AFG2B: variants seen among roughly 807,000 people sequenced by gnomAD.
AFG2B encodes the protein ATPase family gene 2 protein homolog B.
At chr15:45,402,453 C>T in the AFG2B span, 2 of 1,605,460 alleles carry the variant, frequency 1.2e-6, no homozygotes, top group East Asian at 4.6e-5. Context: ...CGGATCCCTT[C>T]CCTGAAGGGC....
the AFG2B span, chr15:45,403,644 T>G: frequency 1.6e-6 from 2 of 1,214,122 alleles, no homozygotes; most frequent in Non-Finnish European, 2.3e-6. Context: ...TGGGGCTCTT[T>G]GCAATGCAGA....
the AFG2B span, among the ~76,000 whole-genome samples, chr15:45,405,793 T>C: frequency 1.1e-4 from 17 of 152,128 alleles, no homozygotes; most frequent in South Asian, 2.1e-4. Context: ...CCCAGAAGAA[T>C]CAAAGAGTTT....
chr15:45,421,090 G>A, the AFG2B span: 2 of 1,613,488 alleles, frequency 1.2e-6, no homozygotes, highest in Non-Finnish European at 1.7e-6. Flanking sequence ...CAACTACAGT[G>A]AAACAAGAGC....
At chr15:45,403,324 C>A in the AFG2B span, 3 of 1,601,448 alleles carry the variant, frequency 1.9e-6, no homozygotes, top group Non-Finnish European at 2.6e-6. Context: ...CGGACCCAGC[C>A]TCCTCTTCCT....
chr15:45,417,513 G>T, the AFG2B span: 130 of 1,065,820 alleles, frequency 1.2e-4, 2 homozygotes, highest in East Asian at 3.3e-3. Flanking sequence ...CTTGCCTGGT[G>T]GCCTTTCATG....
the AFG2B span, chr15:45,402,671 C>G: frequency 6.3e-7 from 1 of 1,577,934 alleles, no homozygotes; most frequent in African/African-American, 1.4e-5. Context: ...TGCGCGAGCC[C>G]CGGGGCGGCG....
At chr15:45,413,703 A>G in the AFG2B span, among the ~76,000 whole-genome samples, 6 of 152,278 alleles carry the variant, frequency 3.9e-5, no homozygotes, top group East Asian at 5.8e-4. Context: ...TCCTCAGTGC[A>G]GACTAAAGCT....
At chr15:45,402,727 C>T in the AFG2B span, 10 of 1,564,710 alleles carry the variant, frequency 6.4e-6, no homozygotes, top group South Asian at 9.2e-5. Flanking sequence ...GAATCGCCTC[C>T]TCCTAGTGCC....
the AFG2B span, among the ~76,000 whole-genome samples, chr15:45,413,814 C>T: frequency 2.6e-5 from 4 of 152,142 alleles, no homozygotes; most frequent in African/African-American, 9.7e-5. Context: ...TTGGTTCTGC[C>T]ACCTCATTAG....
the AFG2B span, among the ~76,000 whole-genome samples, chr15:45,419,993 C>CCA: frequency 2.1e-5 from 2 of 96,604 alleles, no homozygotes; most frequent in African/African-American, 1.1e-4. Flanking sequence ...CTGTCCCCCC[C>CCA]CCCCAAAAAA....
chr15:45,405,480 T>C, the AFG2B span: 1 of 1,613,700 alleles, frequency 6.2e-7, no homozygotes. Flanking sequence ...GAGGCTGCCA[T>C]GCATGCCCTC....
chr15:45,409,011 A>T, the AFG2B span, among the ~76,000 whole-genome samples: 1 of 152,162 alleles, frequency 6.6e-6, no homozygotes, highest in Non-Finnish European at 1.5e-5. Flanking sequence ...CTCATTTTGA[A>T]TTGAAGAAAT....
the AFG2B span, chr15:45,403,050 G>T: frequency 6.4e-7 from 1 of 1,556,910 alleles, no homozygotes; most frequent in East Asian, 2.4e-5. Flanking sequence ...GTCTTTCGGA[G>T]GCGGCCGACT....
the AFG2B span, among the ~76,000 whole-genome samples, chr15:45,404,378 C>CT: frequency 1.3e-5 from 2 of 152,256 alleles, no homozygotes; most frequent in African/African-American, 4.8e-5. Context: ...CATTGTGCAA[C>CT]TTTCTAGCCA....
chr15:45,415,841 A>C, the AFG2B span: 7 of 1,501,942 alleles, frequency 4.7e-6, no homozygotes, highest in Non-Finnish European at 6.4e-6. Context: ...CCTAAAATCC[A>C]GGCCAACATT....
chr15:45,403,632 GT>G, the AFG2B span: 387,966 of 1,366,050 alleles, frequency 0.28, 65,319 homozygotes, highest in East Asian at 0.84. Flanking sequence ...TGAGGTTGGA[GT>G]TGGGGCTCTT....
At chr15:45,417,349 C>A in the AFG2B span, 2 of 1,614,018 alleles carry the variant, frequency 1.2e-6, no homozygotes, top group Non-Finnish European at 1.7e-6. Flanking sequence ...TGCTTTGTTA[C>A]GACCTGGAAG....
the AFG2B span, chr15:45,410,554 C>A: frequency 1.3e-6 from 2 of 1,580,682 alleles, no homozygotes; most frequent in Non-Finnish European, 1.7e-6. Flanking sequence ...TCTACTTAAT[C>A]CAGTAGGATA....
chr15:45,406,082 G>C, the AFG2B span, among the ~76,000 whole-genome samples: 2 of 152,182 alleles, frequency 1.3e-5, no homozygotes, highest in Non-Finnish European at 2.9e-5. Context: ...TGATCAAGCT[G>C]AGAAAATTAA....
Sources: gnomAD v4.1 joint callset for allele counts (sites outside exome capture counted in the v4.1 genomes callset) on GRCh38, gnomAD v4.1.1 for gene constraint, MANE v1.5 for transcripts, NCBI Gene and HGNC (gene_info 2026-07-23, HGNC 2026-07-21) for gene names.